Variants in ADAM22 observed in about 807,000 individuals in gnomAD.
ADAM22 encodes ADAM metallopeptidase domain 22.
ADAM22 carries 65 observed loss-of-function variants against 144.6 expected under a neutral mutation model. That is an observed-to-expected ratio of 0.45 (90% CI 0.37 to 0.55). The LOEUF is 0.55. ADAM22 is among the 20% of genes least tolerant of loss of function. The probability of loss-of-function intolerance (pLI) is 0.00; values close to 1 mark genes in which losing one functional copy is unlikely to be tolerated. For synonymous variants in ADAM22, 391 were observed against 412.6 expected (o/e 0.95, Z 0.63); for missense variants, 974 against 1,184.9 (o/e 0.82, Z 2.61).
At chr7:88,019,859 G>A (rs1268790563) in intron 3 of ADAM22, among the ~76,000 whole-genome samples, 1 of 52,820 alleles carries the variant, frequency 1.9e-5, no homozygotes, top group East Asian at 4.3e-4. Context: ...CAAAAAATAT[G>A]TGTGTGTGTG....
chr7:88,131,940 A>G (rs1008661401), intron 11 of ADAM22: 1 of 152,526 alleles, frequency 6.6e-6, no homozygotes, highest in African/African-American at 2.4e-5. Flanking sequence ...GCTGTTGAAG[A>G]AAGTTATAAA....
intron 3 of ADAM22, among the ~76,000 whole-genome samples, chr7:88,009,878 A>G (rs1584993284): frequency 6.6e-6 from 1 of 152,160 alleles, no homozygotes; most frequent in Admixed American, 6.5e-5. Flanking sequence ...ATGTATCTGG[A>G]TGTCATTTCT....
At position 87,943,752 on chromosome 7, in the gene ADAM22, G is replaced by A. The variant is rs147864684; in HGVS notation, c.246+8566G>A. Among the ~76,000 whole-genome samples, 29 of 152,280 alleles carry A rather than the reference G, an allele frequency of 1.9e-4. No homozygotes were observed. In the East Asian group the frequency reaches 5.2e-3, roughly 27 times the overall value. On this transcript the variant is annotated intron_variant, in intron 2 of 31. Coordinates refer to ENST00000413139, the MANE Select transcript of ADAM22 (RefSeq NM_001324418.2). ...ACTGGAAAGAGAAGGAATAAAGAAC[G>A]TAAATCATTCTCCCCTACCCCTAAA...
At chr7:88,066,898 G>A (rs185262788) in intron 3 of ADAM22, among the ~76,000 whole-genome samples, 359 of 152,228 alleles carry the variant, frequency 2.4e-3, no homozygotes, top group African/African-American at 8.5e-3. Context: ...TAGATTTAAC[G>A]ATATAGAGGT....
chr7:88,109,732 GA>G lies in ADAM22; in HGVS notation c.473+1487del, dbSNP rs113002143. ...TGCTTTTTTTTTGAGAGAGAGAGAG[GA>G]AAAAAAAAAAAACAAAACTGGGAAA... On this transcript the variant is annotated intron_variant, in intron 5 of 31. Transcript: ENST00000413139. 4.1e-3 allele frequency among the ~76,000 whole-genome samples: 522 copies of G among 127,824 alleles called. 4 individuals are homozygous for G. Among genetic ancestry groups the G allele is most frequent in the African/African-American group, 0.013 (465 of 34,796 alleles). The allele number at this position is 127,824 out of a possible 152,430, so 83.9% of individuals were successfully genotyped here.
intron 7 of ADAM22, among the ~76,000 whole-genome samples, chr7:88,124,509 G>T (rs1227571594): frequency 1.3e-5 from 2 of 151,094 alleles, no homozygotes; most frequent in Non-Finnish European, 3.0e-5. Flanking sequence ...TAAACAGCAT[G>T]CAGTTAAGTC....
intron 3 of ADAM22, among the ~76,000 whole-genome samples, chr7:88,063,003 C>G (rs1410414368): frequency 6.6e-6 from 1 of 152,056 alleles, no homozygotes; most frequent in Non-Finnish European, 1.5e-5. Flanking sequence ...TACAGATCAC[C>G]ATAACAGGTA....
At chr7:87,973,204 C>T (rs1195590129) in intron 2 of ADAM22, among the ~76,000 whole-genome samples, 5 of 152,110 alleles carry the variant, frequency 3.3e-5, no homozygotes, top group Admixed American at 2.6e-4. Context: ...TGACAAAGGG[C>T]TAATATCCAG....
intron 2 of ADAM22, among the ~76,000 whole-genome samples, chr7:87,956,574 A>G (rs554707657): frequency 6.6e-6 from 1 of 152,272 alleles, no homozygotes; most frequent in Admixed American, 6.5e-5. Flanking sequence ...TCATCACTTC[A>G]AAAAGAAACC....
At chr7:88,001,085 C>A (rs550424832) in intron 3 of ADAM22, among the ~76,000 whole-genome samples, 34 of 152,222 alleles carry the variant, frequency 2.2e-4, no homozygotes, top group Non-Finnish European at 3.5e-4. Context: ...AAAGTTACCT[C>A]ATACTCTGGT....
At chr7:88,119,126 C>T (rs1828588302) in intron 7 of ADAM22, among the ~76,000 whole-genome samples, 1 of 152,146 alleles carries the variant, frequency 6.6e-6, no homozygotes, top group Non-Finnish European at 1.5e-5. Context: ...TGTCTCAGGA[C>T]TAGTGTTTCT....
chr7:88,014,715 C>T (rs901583841), intron 3 of ADAM22, among the ~76,000 whole-genome samples: 2 of 152,172 alleles, frequency 1.3e-5, no homozygotes, highest in African/African-American at 4.8e-5. Context: ...GAATTTGCCA[C>T]ATCAAACTGA....
intron 4 of ADAM22, among the ~76,000 whole-genome samples, chr7:88,076,474 T>C (rs953627876): frequency 1.3e-5 from 2 of 152,190 alleles, no homozygotes; most frequent in Admixed American, 1.3e-4. Context: ...TGTTTGCCTT[T>C]GCATTCAGCT....
chr7:88,008,760 G>T (rs1277384520), intron 3 of ADAM22, among the ~76,000 whole-genome samples: 1 of 151,790 alleles, frequency 6.6e-6, no homozygotes, highest in Non-Finnish European at 1.5e-5. Context: ...TGGGGTGGGG[G>T]TAGGGGGTAT....
intron 3 of ADAM22, among the ~76,000 whole-genome samples, chr7:88,003,936 T>C (rs2282948): frequency 0.42 from 64,030 of 152,092 alleles, 14,239 homozygotes; most frequent in East Asian, 0.59. Context: ...TACTGGTTAC[T>C]TGCACCTGGT....
chr7:88,172,336 T>C (rs1288465371), intron 26 of ADAM22, among the ~76,000 whole-genome samples: 1 of 151,950 alleles, frequency 6.6e-6, no homozygotes. Context: ...TTACTAGTGC[T>C]GTTAGCTATT....
chr7:88,068,026 A>G (rs138885004), intron 3 of ADAM22, among the ~76,000 whole-genome samples: 9 of 152,262 alleles, frequency 5.9e-5, no homozygotes, highest in Non-Finnish European at 8.8e-5. Context: ...TTTAAATACC[A>G]CTCATTACAT....
rs118135799 is a variant in ADAM22, at chr7:88,167,720, C to T, written c.2192-417C>T. Among the ~76,000 whole-genome samples, 11 of 152,264 alleles carry T rather than the reference C, an allele frequency of 7.2e-5. No individual in the cohort carries two copies. In the East Asian group the frequency reaches 2.1e-3, roughly 29 times the overall value. On this transcript the variant is annotated intron_variant, in intron 24 of 31. Transcript: ENST00000413139. ...TGAGAGAGACAAAATATAACACACA[C>T]AAAACCGAGAGCAGTAAGGACCTTG...
At chr7:88,062,805 T>C (rs1002177242) in intron 3 of ADAM22, among the ~76,000 whole-genome samples, 8 of 152,208 alleles carry the variant, frequency 5.3e-5, no homozygotes, top group African/African-American at 1.9e-4. Flanking sequence ...GGGTTATTAA[T>C]TGACCTAATT....
Sources: gnomAD v4.1 joint callset for allele counts (sites outside exome capture counted in the v4.1 genomes callset) on GRCh38, gnomAD v4.1.1 for gene constraint, MANE v1.5 for transcripts, NCBI Gene and HGNC (gene_info 2026-07-23, HGNC 2026-07-21) for gene names.